GRM8: variants seen among roughly 807,000 people sequenced by gnomAD.
GRM8 encodes glutamate metabotropic receptor 8, also known as metabotropic glutamate receptor 8.
Under a neutral mutation model 87.2 loss-of-function variants are expected in GRM8, and 47 were observed. The observed-to-expected ratio is 0.54, with a 90% confidence interval of 0.43 to 0.69. The LOEUF (loss-of-function observed/expected upper bound fraction) is 0.69, where lower values mean the gene tolerates loss of function less well. Ranked by LOEUF, GRM8 falls within the 30% of genes least tolerant of loss-of-function variation. The pLI, the probability that GRM8 is intolerant of heterozygous loss-of-function variation, is 0.00. For synonymous variants in GRM8, 396 were observed against 404.5 expected (o/e 0.98, Z 0.25); for missense variants, 1,019 against 1,139.2 (o/e 0.89, Z 1.52).
intron 3 of GRM8, among the ~76,000 whole-genome samples, chr7:126,984,119 T>C (rs555392853): frequency 1.3e-5 from 2 of 152,364 alleles, no homozygotes; most frequent in South Asian, 2.1e-4. Context: ...GTTAACTCTA[T>C]GGAATAGCAT....
intron 3 of GRM8, among the ~76,000 whole-genome samples, chr7:127,072,258 G>C (rs1821770192): frequency 6.6e-6 from 1 of 152,136 alleles, no homozygotes; most frequent in African/African-American, 2.4e-5. Context: ...GAGGGTGTCA[G>C]AAGCTCTCCC....
chr7:126,540,036 T>C (rs924546307), intron 8 of GRM8, among the ~76,000 whole-genome samples: 4 of 152,034 alleles, frequency 2.6e-5, no homozygotes, highest in Non-Finnish European at 5.9e-5. Flanking sequence ...AAAAATATGT[T>C]CAAGTCATTA....
At chr7:126,652,067 G>C (rs973875585) in intron 7 of GRM8, among the ~76,000 whole-genome samples, 1 of 152,182 alleles carries the variant, frequency 6.6e-6, no homozygotes, top group African/African-American at 2.4e-5. Context: ...TAATTGTCAT[G>C]AGTATTTCCT....
intron 3 of GRM8, among the ~76,000 whole-genome samples, chr7:126,932,141 C>G (rs559522338): frequency 2.0e-5 from 3 of 152,044 alleles, no homozygotes; most frequent in Admixed American, 6.6e-5. Context: ...TTTCTATTCT[C>G]AAGACTGTTT....
chr7:127,063,321 A>G (rs541730302), intron 3 of GRM8, among the ~76,000 whole-genome samples: 1 of 152,292 alleles, frequency 6.6e-6, no homozygotes, highest in Non-Finnish European at 1.5e-5. Flanking sequence ...CATGCCTGTA[A>G]TCCCAGCACT....
intron 3 of GRM8, among the ~76,000 whole-genome samples, chr7:126,989,255 A>C (rs746854019): frequency 4.6e-5 from 7 of 152,168 alleles, no homozygotes; most frequent in Non-Finnish European, 1.0e-4. Flanking sequence ...TTTTCCGTTA[A>C]ATTTCCTAAA....
At chr7:126,607,763 A>G (rs1798505633) in intron 8 of GRM8, among the ~76,000 whole-genome samples, 1 of 151,970 alleles carries the variant, frequency 6.6e-6, no homozygotes, top group Non-Finnish European at 1.5e-5. Flanking sequence ...TTAGTTACAT[A>G]TGTATACACG....
intron 8 of GRM8, among the ~76,000 whole-genome samples, chr7:126,605,949 T>C (rs1798301789): frequency 6.6e-6 from 1 of 152,218 alleles, no homozygotes; most frequent in African/African-American, 2.4e-5. Context: ...GTGAGTTCCC[T>C]GAGAACAGGG....
intron 6 of GRM8, among the ~76,000 whole-genome samples, chr7:126,874,855 A>G (rs762845803): frequency 6.6e-6 from 1 of 152,176 alleles, no homozygotes; most frequent in Non-Finnish European, 1.5e-5. Flanking sequence ...CTTCCACAAT[A>G]GAATCAATGT....
At chr7:126,906,439 C>T (rs566851275) in intron 3 of GRM8, among the ~76,000 whole-genome samples, 3 of 152,268 alleles carry the variant, frequency 2.0e-5, no homozygotes, top group East Asian at 3.9e-4. Context: ...CCTCATCCTC[C>T]GGAGTAACTG....
chr7:126,542,605 G>A (rs1227276957), intron 8 of GRM8, among the ~76,000 whole-genome samples: 1 of 152,156 alleles, frequency 6.6e-6, no homozygotes, highest in Non-Finnish European at 1.5e-5. Flanking sequence ...TGTAATCACT[G>A]TAAGCAATAT....
chr7:127,066,222 A>G (rs906757376), intron 3 of GRM8, among the ~76,000 whole-genome samples: 1 of 152,222 alleles, frequency 6.6e-6, no homozygotes, highest in African/African-American at 2.4e-5. Context: ...TGAACACATA[A>G]TCATGAATAA....
intron 7 of GRM8, among the ~76,000 whole-genome samples, chr7:126,761,660 T>C (rs904552570): frequency 7.9e-5 from 12 of 152,280 alleles, no homozygotes; most frequent in African/African-American, 2.9e-4. Flanking sequence ...AAAGCCAAAC[T>C]CGGCACAGGT....
intron 6 of GRM8, among the ~76,000 whole-genome samples, chr7:126,854,369 T>C (rs952355813): frequency 6.6e-6 from 1 of 152,244 alleles, no homozygotes; most frequent in South Asian, 2.1e-4. Flanking sequence ...AATGGCTTTA[T>C]CTTTCCCAGC....
intron 3 of GRM8, among the ~76,000 whole-genome samples, chr7:127,054,459 G>C (rs1220185183): frequency 6.6e-6 from 1 of 152,136 alleles, no homozygotes; most frequent in Non-Finnish European, 1.5e-5. Flanking sequence ...CTTTCTTTGA[G>C]GGGGTTATTA....
intron 2 of GRM8, among the ~76,000 whole-genome samples, chr7:127,217,711 C>T (rs1587302673): frequency 6.6e-6 from 1 of 152,302 alleles, no homozygotes; most frequent in East Asian, 1.9e-4. Flanking sequence ...GTGTTTGCTC[C>T]AGCACACATT....
At chr7:126,731,676 A>G (rs1193171129) in intron 7 of GRM8, among the ~76,000 whole-genome samples, 2 of 152,090 alleles carry the variant, frequency 1.3e-5, no homozygotes, top group Non-Finnish European at 2.9e-5. Context: ...TTAGATTAGA[A>G]TATTTCTCCA....
At chr7:126,528,189 C>T (rs894268447) in intron 9 of GRM8, among the ~76,000 whole-genome samples, 1 of 152,004 alleles carries the variant, frequency 6.6e-6, no homozygotes, top group East Asian at 1.9e-4. Flanking sequence ...GGTGACAGAG[C>T]AGAGCAAGAC....
intron 7 of GRM8, among the ~76,000 whole-genome samples, chr7:126,689,115 T>A (rs1808512089): frequency 6.6e-6 from 1 of 152,150 alleles, no homozygotes; most frequent in East Asian, 1.9e-4. Flanking sequence ...GCAATGTTGC[T>A]TTAATGTAAT....
Sources: gnomAD v4.1 joint callset for allele counts (sites outside exome capture counted in the v4.1 genomes callset) on GRCh38, gnomAD v4.1.1 for gene constraint, MANE v1.5 for transcripts, NCBI Gene and HGNC (gene_info 2026-07-23, HGNC 2026-07-21) for gene names.